Variants in UBR3 observed in about 807,000 individuals in gnomAD.
UBR3 encodes the protein E3 ubiquitin-protein ligase UBR3.
A neutral mutation model predicts 243.2 loss-of-function variants in UBR3; 85 were observed. The ratio of observed to expected loss-of-function variants is 0.35; its 90% CI spans 0.29 to 0.42. The LOEUF is 0.42. Among genes scored for constraint, UBR3 ranks in the 10% least tolerant of loss-of-function variants. The pLI is 1.00. For synonymous variants in UBR3, 748 were observed against 799.8 expected (o/e 0.94, Z 1.09); for missense variants, 1,686 against 2,300.8 (o/e 0.73, Z 5.47).
intron 1 of UBR3, among the ~76,000 whole-genome samples, chr2:169,866,469 T>G (rs1479918088): frequency 6.6e-6 from 1 of 151,832 alleles, no homozygotes; most frequent in East Asian, 2.0e-4. Context: ...TTCAAGCCAT[T>G]CTCCTACCTC....
chr2:169,873,420 C>T (rs956806369), intron 2 of UBR3, among the ~76,000 whole-genome samples: 7 of 151,798 alleles, frequency 4.6e-5, no homozygotes, highest in African/African-American at 1.5e-4. Context: ...ACCTGTAATC[C>T]CAGCACTTTG....
intron 26 of UBR3, among the ~76,000 whole-genome samples, chr2:169,996,023 T>C (rs1364817575): frequency 1.3e-5 from 2 of 152,198 alleles, no homozygotes; most frequent in Admixed American, 1.3e-4. Flanking sequence ...ATTATATGGA[T>C]AGATTTCCAA....
At chr2:169,836,059 ATATATATATT>A (rs2082095234) in intron 1 of UBR3, among the ~76,000 whole-genome samples, 1 of 40,950 alleles carries the variant, frequency 2.4e-5, no homozygotes, top group Non-Finnish European at 5.3e-5. Flanking sequence ...ATATATATAT[ATATATATATT>A]TTTTTTTTTT....
chr2:169,982,524 G>A (rs898379079), intron 24 of UBR3, among the ~76,000 whole-genome samples: 2 of 152,044 alleles, frequency 1.3e-5, no homozygotes, highest in African/African-American at 4.8e-5. Context: ...TAGAACTGTG[G>A]TATTTGTGAA....
chr2:169,888,605 T>C (rs2084205080), intron 5 of UBR3, among the ~76,000 whole-genome samples: 1 of 152,240 alleles, frequency 6.6e-6, no homozygotes, highest in Non-Finnish European at 1.5e-5. Flanking sequence ...GTGAATGTTA[T>C]CAATACTTAA....
intron 1 of UBR3, among the ~76,000 whole-genome samples, chr2:169,862,421 A>C (rs1363068349): frequency 6.6e-6 from 1 of 152,132 alleles, no homozygotes; most frequent in Non-Finnish European, 1.5e-5. Context: ...TTGGAACTGA[A>C]TTTCTGATCT....
chr2:170,042,688 C>CAA (rs59694680), intron 32 of UBR3, among the ~76,000 whole-genome samples: 2,490 of 90,358 alleles, frequency 0.028, 112 homozygotes, highest in African/African-American at 0.071. Flanking sequence ...TACTCTGCCT[C>CAA]AAAAAAAAAA....
chr2:169,957,636 C>G (rs1260191744), intron 23 of UBR3, among the ~76,000 whole-genome samples: 4 of 151,804 alleles, frequency 2.6e-5, no homozygotes, highest in Non-Finnish European at 5.9e-5. Context: ...GGGTGCAGCA[C>G]ACCAACATGG....
intron 10 of UBR3, among the ~76,000 whole-genome samples, chr2:169,909,745 A>ATG (rs994528355): frequency 2.6e-5 from 4 of 151,566 alleles, no homozygotes; most frequent in African/African-American, 9.7e-5. Flanking sequence ...GTGTGTGTAT[A>ATG]TATATATATA....
At position 170,061,342 on chromosome 2, in the gene UBR3, G is replaced by C. The variant is rs2105447074; in HGVS notation, c.4918G>C (p.Glu1640Gln). 1.2e-6 allele frequency: 2 copies of C among 1,614,026 alleles called. No homozygotes were observed. The highest frequency in any genetic ancestry group is 2.2e-5 in the East Asian group (1 of 44,876). The change falls in exon 35 of 39, where the codon GAA (glutamate) becomes CAA (glutamine). Residue 1640 changes from glutamate (E) to glutamine (Q), a missense_variant. Glu to Gln is a conservative substitution (Grantham distance 29). This residue lies in a region of UBR3 where 371 missense variants were observed against 422.5 expected (regional missense o/e 0.88). Transcript: ENST00000272793. Reference protein sequence around the residue: ...AMVNPIAWSPESMEKCLQDFC... With the variant: ...AMVNPIAWSPQSMEKCLQDFC... ...GGTTAACCCTATTGCTTGGTCTCCT[G>C]AATCCATGGAAAAATGCTTACAGGA... is the stretch of plus-strand genomic sequence containing the variant.
At chr2:169,974,853 G>A (rs935296452) in intron 24 of UBR3, among the ~76,000 whole-genome samples, 31 of 152,074 alleles carry the variant, frequency 2.0e-4, no homozygotes, top group African/African-American at 7.5e-4. Context: ...GGTATGTTGT[G>A]TTTCTATTTT....
intron 24 of UBR3, among the ~76,000 whole-genome samples, chr2:169,970,398 T>C (rs200283392): frequency 9.6e-3 from 1 of 104 alleles, no homozygotes; most frequent in African/African-American, 0.056. Context: ...ATGTATACAT[T>C]GTGTCATGCT....
chr2:170,014,575 G>T (rs987089676), intron 29 of UBR3: 3 of 152,014 alleles, frequency 2.0e-5, no homozygotes, highest in Admixed American at 2.0e-4. Flanking sequence ...TTCTGCATTA[G>T]TTTGATTTTT....
At chr2:170,016,682 ATTTTTTTCTCTGAGGC>A (rs2090245705) in intron 30 of UBR3, 1 of 167,722 alleles carries the variant, frequency 6.0e-6, no homozygotes, top group South Asian at 2.0e-4. Context: ...AAATCTACTT[ATTTTTTTCTCTGAGGC>A]ACTTAAACTT....
chr2:169,854,810 TAAAA>T (rs756617840), intron 1 of UBR3, among the ~76,000 whole-genome samples: 97 of 152,204 alleles, frequency 6.4e-4, no homozygotes, highest in Non-Finnish European at 9.7e-4. Flanking sequence ...TTTTAAGACT[TAAAA>T]AAGCAATAGA....
chr2:169,927,723 G>C (rs2085963757), intron 17 of UBR3, among the ~76,000 whole-genome samples: 1 of 152,016 alleles, frequency 6.6e-6, no homozygotes, highest in Non-Finnish European at 1.5e-5. Flanking sequence ...ATAAAAGGCA[G>C]CTAGGTCCAT....
At chr2:169,886,219 T>C (rs748726018) in intron 5 of UBR3, among the ~76,000 whole-genome samples, 1 of 152,106 alleles carries the variant, frequency 6.6e-6, no homozygotes, top group Admixed American at 6.5e-5. Context: ...TAATTTGGTA[T>C]CATAAATTAC....
At chr2:169,903,948 A>G (rs1046683138) in intron 8 of UBR3, among the ~76,000 whole-genome samples, 2 of 152,142 alleles carry the variant, frequency 1.3e-5, no homozygotes, top group African/African-American at 4.8e-5. Flanking sequence ...TGGGCAAAGT[A>G]TTTTCAGGAT....
At chr2:169,852,580 C>G (rs951475676) in intron 1 of UBR3, among the ~76,000 whole-genome samples, 3 of 151,776 alleles carry the variant, frequency 2.0e-5, no homozygotes, top group African/African-American at 7.3e-5. Context: ...CGGTGGCTCA[C>G]GCCTGTAATC....
Sources: gnomAD v4.1 joint callset for allele counts (sites outside exome capture counted in the v4.1 genomes callset) on GRCh38, gnomAD v4.1.1 for gene constraint, gnomAD v4.1.1 regional missense constraint, MANE v1.5 for transcripts, NCBI Gene and HGNC (gene_info 2026-07-23, HGNC 2026-07-21) for gene names.